Variants in SPIB observed in about 807,000 individuals in gnomAD.
SPIB encodes transcription factor Spi-B.
SPIB carries 7 observed loss-of-function variants against 31.9 expected under a neutral mutation model. The ratio of observed to expected loss-of-function variants is 0.22; its 90% CI spans 0.12 to 0.41. The LOEUF is 0.41. SPIB is among the 10% of genes least tolerant of loss of function. SPIB has a pLI of 1.00. For synonymous variants in SPIB, 176 were observed against 158.9 expected (o/e 1.11, Z -0.81); for missense variants, 327 against 360.2 (o/e 0.91, Z 0.75).
In SPIB at chr19:50,422,524, C is replaced by G. The variant is rs1005745438; in HGVS notation, c.103C>G (p.Pro35Ala). 7 of 1,613,880 alleles carry G rather than the reference C, an allele frequency of 4.3e-6. No individual in the cohort carries two copies. In the African/African-American group the frequency reaches 6.7e-5, roughly 15 times the overall value. Reference sequence around the variant, plus strand: ...GGACAGCTGCAAGCATTCCAGCTACCCTGATTCAGAGGGGGCTCCTGGTGA... The same window carrying G: ...GGACAGCTGCAAGCATTCCAGCTACGCTGATTCAGAGGGGGCTCCTGGTGA... ...DLDSCKHSSY[P>A]DSEGAPDSLW... Residue 35 changes from proline (P) to alanine (A), a missense_variant, in exon 3 of 6, where the codon CCT becomes GCT. Physicochemically the swap from Pro to Ala is conservative, Grantham distance 27. Coordinates refer to ENST00000595883, the MANE Select transcript of SPIB (RefSeq NM_003121.5).
chr19:50,424,020 G>C (rs2039535047), intron 5 of SPIB, among the ~76,000 whole-genome samples: 1 of 152,120 alleles, frequency 6.6e-6, no homozygotes, highest in Admixed American at 6.6e-5. Flanking sequence ...GTGTAAATGG[G>C]ACAGCAGTGC....
At chr19:50,425,937 A>G (rs375771194) in intron 5 of SPIB, among the ~76,000 whole-genome samples, 1 of 152,008 alleles carries the variant, frequency 6.6e-6, no homozygotes, top group Admixed American at 6.6e-5. Context: ...GGCCAGGCAC[A>G]GTGGCTCATG....
chr19:50,430,196 T>A lies in SPIB; in HGVS notation c.*1860T>A, dbSNP rs2039623655. On this transcript the variant is annotated 3_prime_UTR_variant, in exon 6 of 6. Coordinates refer to ENST00000595883, the MANE Select transcript of SPIB (RefSeq NM_003121.5). Reference sequence around the variant, plus strand: ...CTCCAATCTGCCCCAGTCGCTGCCATCCCTGGCTATCTCACCCTAGCAGCT... The same window carrying A: ...CTCCAATCTGCCCCAGTCGCTGCCAACCCTGGCTATCTCACCCTAGCAGCT... The A allele has an allele frequency of 6.6e-6, 1 of 152,254 alleles. No individual in the cohort carries two copies. The highest frequency in any genetic ancestry group is 1.5e-5 in the Non-Finnish European group (1 of 68,128). The allele number at this position is 152,254 out of a possible 1,614,324, so 9.4% of individuals were successfully genotyped here.
At chr19:50,427,414 A>G (rs2039578273) in intron 5 of SPIB, among the ~76,000 whole-genome samples, 1 of 152,164 alleles carries the variant, frequency 6.6e-6, no homozygotes, top group African/African-American at 2.4e-5. Context: ...AGTCCCAGGT[A>G]CTCGGGAGGC....
At position 50,428,027 on chromosome 19, in the gene SPIB, C is replaced by A. The variant is rs1439793970; in HGVS notation, c.491-11C>A. 6.7e-7 allele frequency: 1 copy of A among 1,500,836 alleles called. No homozygotes were observed. The highest frequency in any genetic ancestry group is 8.9e-7 in the Non-Finnish European group (1 of 1,117,800). The allele number at this position is 1,500,836 out of a possible 1,614,324, so 93.0% of individuals were successfully genotyped here. ...CCCCTCACCTAACGCGTGCCCCCGACCCCACCGCAGGGACTCGCAAGAAGC... is the reference window on the plus strand; with the variant it reads ...CCCCTCACCTAACGCGTGCCCCCGAACCCACCGCAGGGACTCGCAAGAAGC... On this transcript the variant is annotated splice_polypyrimidine_tract_variant and intron_variant, in intron 5 of 5. Coordinates refer to ENST00000595883, the MANE Select transcript of SPIB (RefSeq NM_003121.5). This position sits in a 1 kb window ranked among gnomAD's most constrained non-coding sequence, Gnocchi z 6.5.
In SPIB at chr19:50,429,024, G is replaced by C. The variant is rs920822193; in HGVS notation, c.*688G>C. 6.6e-6 allele frequency: 1 copy of C among 152,228 alleles called. No individual in the cohort carries two copies. Among genetic ancestry groups the C allele is most frequent in the African/African-American group, 2.4e-5 (1 of 41,414 alleles). The allele number at this position is 152,228 out of a possible 1,614,324, so 9.4% of individuals were successfully genotyped here. On this transcript the variant is annotated 3_prime_UTR_variant, in exon 6 of 6. Transcript: ENST00000595883. Reference sequence around the variant, plus strand: ...TTGTCATGTCTGAAATCACTCTTGAGAGGTCTGGGGTGGAGGATGGGGAGT... The same window carrying C: ...TTGTCATGTCTGAAATCACTCTTGACAGGTCTGGGGTGGAGGATGGGGAGT...
chr19:50,422,011 A>G (rs933287059), intron 2 of SPIB, among the ~76,000 whole-genome samples: 1 of 152,196 alleles, frequency 6.6e-6, no homozygotes, highest in African/African-American at 2.4e-5. Context: ...CGGCCCCCCA[A>G]AGTGTTGGGA....
At chr19:50,421,482 C>T (rs968444564) in intron 2 of SPIB, among the ~76,000 whole-genome samples, 1 of 151,982 alleles carries the variant, frequency 6.6e-6, no homozygotes, top group South Asian at 2.1e-4. Flanking sequence ...ACCACCATGC[C>T]TGGCTAATTT....
rs1421624589 is a variant in SPIB, at chr19:50,422,865, C to T, written c.167C>T (p.Thr56Ile). 2 of 1,607,580 alleles carry T rather than the reference C, an allele frequency of 1.2e-6. No homozygotes were observed. The highest frequency in any genetic ancestry group is 3.4e-5 in the Admixed American group (2 of 59,212). Residue 56 changes from threonine to isoleucine, a missense_variant, in exon 4 of 6, where the codon ACC (threonine) becomes ATC (isoleucine). Physicochemically the swap from Thr to Ile is moderately conservative, Grantham distance 89 (BLOSUM62 -1). Transcript: ENST00000595883. ...DWTVAPPVPA[T>I]PYEAFDPAAA... ...ACTGTGGCCCCACCTGTCCCAGCCA[C>T]CCCCTATGAAGCCTTCGACCCGGCA... is the stretch of plus-strand genomic sequence containing the variant.
intron 1 of SPIB, 119 bp downstream of exon 1, chr19:50,419,104 G>A: frequency 8.0e-7 from 1 of 1,251,350 alleles, no homozygotes; most frequent in Non-Finnish European, 1.1e-6. Context: ...GAGTGGAGGG[G>A]AGGGGTCCAC....
chr19:50,426,898 G>A (rs1451898426), intron 5 of SPIB, among the ~76,000 whole-genome samples: 1 of 151,996 alleles, frequency 6.6e-6, no homozygotes, highest in Non-Finnish European at 1.5e-5. Flanking sequence ...GGGAGGCCGA[G>A]GTGGGAGGAT....
chr19:50,419,013 CG>C lies in SPIB; in HGVS notation c.23+32del, dbSNP rs1460917271. 8.4e-6 allele frequency: 13 copies of C among 1,550,590 alleles called. No homozygotes were observed. The East Asian group carries it at 3.2e-4, about 38-fold the overall frequency. Reference sequence around the variant, plus strand: ...AAGTGAGGGCCCCCAAACCTGCACCCGGGGTCCCCACCTGCACTGCCCCTCT... The same window carrying C: ...AAGTGAGGGCCCCCAAACCTGCACCCGGGTCCCCACCTGCACTGCCCCTCT... On this transcript the variant is annotated intron_variant, in intron 1 of 5. Transcript: ENST00000595883.
At chr19:50,419,770 C>G (rs1162244039) in intron 1 of SPIB, 176 bp from the exon 2 acceptor site, 2 of 530,044 alleles carry the variant, frequency 3.8e-6, no homozygotes, top group African/African-American at 2.0e-5. Flanking sequence ...CCCCACCCCC[C>G]ACTTCCTGTC....
Position 50,425,392 on chromosome 19 carries a change from G to T in SPIB, c.490+1637G>T, listed in dbSNP as rs574743917. On this transcript the variant is annotated intron_variant, in intron 5 of 5. Transcript: ENST00000595883. ...AACTTAGGACATTTAAGATGGAGAG[G>T]ATCTCTCCAATGACTAGGAAAGACA... 1.3e-4 allele frequency among the ~76,000 whole-genome samples: 20 copies of T among 152,212 alleles called. 1 individual carries two copies. In the South Asian group the frequency reaches 3.7e-3, roughly 28 times the overall value.
chr19:50,423,801 T>TG lies in SPIB; in HGVS notation c.490+53dup, dbSNP rs755670059. 2.2e-4 allele frequency: 337 copies of TG among 1,539,130 alleles called. 2 individuals are homozygous for TG. The East Asian group carries it at 6.2e-3, about 28-fold the overall frequency. On this transcript the variant is annotated intron_variant, in intron 5 of 5. Transcript: ENST00000595883. ...TGGGGGAGATGCCAGCTGGAGATGG[T>TG]GGGGGGGCTGAGAGCACCATGGCTT... is the stretch of plus-strand genomic sequence containing the variant.
In SPIB at chr19:50,428,086, C is replaced by G; in HGVS notation, c.539C>G (p.Thr180Arg). ...TACCAGTTCCTGCTGGGGCTACTGACGCGCGGGGACATGCGTGAGTGCGTG... is the reference window on the plus strand; with the variant it reads ...TACCAGTTCCTGCTGGGGCTACTGAGGCGCGGGGACATGCGTGAGTGCGTG... The part of the protein sequence containing the change: ...RLYQFLLGLL[T>R]RGDMRECVWW... Residue 180 changes from threonine to arginine, a missense_variant, in exon 6 of 6, where the codon ACG (threonine) becomes AGG (arginine). Coordinates refer to ENST00000595883, the MANE Select transcript of SPIB (RefSeq NM_003121.5). The surrounding 1 kb of genome is among the most constrained non-coding windows in gnomAD (Gnocchi z 6.5). 6.3e-7 allele frequency: 1 copy of G among 1,578,362 alleles called. No individual in the cohort carries two copies. Among genetic ancestry groups the G allele is most frequent in the South Asian group, 1.2e-5 (1 of 86,606 alleles).
At chr19:50,420,499 G>A (rs990980078) in intron 2 of SPIB, among the ~76,000 whole-genome samples, 5 of 152,130 alleles carry the variant, frequency 3.3e-5, no homozygotes, top group African/African-American at 9.7e-5. Context: ...TCTATACACC[G>A]TGTAGCCACA....
In SPIB at chr19:50,428,619, G is replaced by C. The variant is rs908198891; in HGVS notation, c.*283G>C. 2 of 397,624 alleles carry C rather than the reference G, an allele frequency of 5.0e-6. No homozygotes were observed. The highest frequency in any genetic ancestry group is 2.1e-5 in the African/African-American group (1 of 48,532). The allele number at this position is 397,624 out of a possible 1,614,324, so 24.6% of individuals were successfully genotyped here. On this transcript the variant is annotated 3_prime_UTR_variant, in exon 6 of 6. Coordinates refer to ENST00000595883, the MANE Select transcript of SPIB (RefSeq NM_003121.5). The surrounding 1 kb of genome is among the most constrained non-coding windows in gnomAD (Gnocchi z 6.5). ...ACAGGACCTATGGACCACTATACTC[G>C]GGGAGGCAGGGTAGCAGTTCTTCCA...
At chr19:50,427,865 C>CG in intron 5 of SPIB, among the ~76,000 whole-genome samples, 173 bp from the exon 6 acceptor site, 2 of 105,450 alleles carry the variant, frequency 1.9e-5, no homozygotes, top group South Asian at 9.1e-4. Context: ...CTTGCCCCCC[C>CG]CCCCCCCCGT....
Sources: gnomAD v4.1 joint callset for allele counts (sites outside exome capture counted in the v4.1 genomes callset) on GRCh38, gnomAD v4.1.1 for gene constraint, Gnocchi (gnomAD v3.1) non-coding constraint, MANE v1.5 for transcripts, NCBI Gene and HGNC (gene_info 2026-07-23, HGNC 2026-07-21) for gene names.